Variants in MYO18B observed in about 807,000 individuals in gnomAD.
The protein encoded by MYO18B is unconventional myosin-XVIIIb.
A neutral mutation model predicts 273.0 loss-of-function variants in MYO18B; 204 were observed. That is an observed-to-expected ratio of 0.75 (90% CI 0.67 to 0.84). The LOEUF (loss-of-function observed/expected upper bound fraction) is 0.84. MYO18B is among the 40% of genes least tolerant of loss of function. The pLI is 0.00. For synonymous variants in MYO18B, 1,330 were observed against 1,305.7 expected (o/e 1.02, Z -0.40); for missense variants, 3,212 against 3,287.6 (o/e 0.98, Z 0.56).
chr22:25,980,261 T>C (rs953688214), intron 39 of MYO18B, among the ~76,000 whole-genome samples: 2 of 152,208 alleles, frequency 1.3e-5, no homozygotes, highest in African/African-American at 4.8e-5. Context: ...AAACTCTTTA[T>C]CATCTACATT....
At chr22:25,755,368 A>C (rs968975935) in intron 1 of MYO18B, among the ~76,000 whole-genome samples, 1 of 152,020 alleles carries the variant, frequency 6.6e-6, no homozygotes, top group African/African-American at 2.4e-5. Context: ...TGGCACGCCC[A>C]TCTAATTTTG....
intron 22 of MYO18B, among the ~76,000 whole-genome samples, chr22:25,873,812 A>T (rs939676663): frequency 6.6e-6 from 1 of 152,150 alleles, no homozygotes; most frequent in African/African-American, 2.4e-5. Context: ...TCACATTCCC[A>T]GGCCTGGCCC....
At chr22:25,825,749 TG>T (rs1214972510) in intron 13 of MYO18B, among the ~76,000 whole-genome samples, 2 of 152,242 alleles carry the variant, frequency 1.3e-5, no homozygotes. Flanking sequence ...AAGTGATTTT[TG>T]CCAATTTAAT....
At chr22:25,951,298 T>C (rs188809723) in intron 37 of MYO18B, among the ~76,000 whole-genome samples, 1 of 152,366 alleles carries the variant, frequency 6.6e-6, no homozygotes. Flanking sequence ...ACTTATACTT[T>C]GGCTCCTGGA....
Position 25,794,003 on chromosome 22 carries a change from G to A in MYO18B, c.2377-3950G>A, listed in dbSNP as rs565685944. ...GGCTGGAGTGCTGTGGCGCGATCTC[G>A]GCTCACTGCAAACTCCGCCTCCTGG... On this transcript the variant is annotated intron_variant, in intron 11 of 43. Coordinates refer to ENST00000335473, the MANE Select transcript of MYO18B (RefSeq NM_032608.7). Among the ~76,000 whole-genome samples the A allele has an allele frequency of 5.9e-5, 9 of 151,636 alleles. No homozygotes were observed. The East Asian group carries it at 1.7e-3, about 29-fold the overall frequency.
At position 25,769,237 on chromosome 22, in the gene MYO18B, C is replaced by T. The variant is rs762886452; in HGVS notation, c.1321C>T (p.Arg441Cys). 54 of 1,599,350 alleles carry T rather than the reference C, an allele frequency of 3.4e-5. No homozygotes were observed. Among genetic ancestry groups the T allele is most frequent in the African/African-American group, 2.0e-4 (15 of 74,790 alleles). Residue 441 changes from arginine (R) to cysteine (C), a missense_variant, in exon 4 of 44, where the codon CGT (arginine) becomes TGT (cysteine). By Grantham distance (180) the Arg-to-Cys change is radical (BLOSUM62 -3). Transcript: ENST00000335473. ...APGKGGWPGS[R>C]GQEAEEPCSR... ...TGGGAAGGGAGGCTGGCCAGGAAGC[C>T]GTGGGCAGGAAGCAGAGGAGCCCTG...
rs567039773 is a variant in MYO18B, at chr22:25,939,535, AC to A, written c.5518-6600del. Among the ~76,000 whole-genome samples, 440 of 152,298 alleles carry A rather than the reference AC, an allele frequency of 2.9e-3. 1 individual carries two copies. The highest frequency in any genetic ancestry group is 4.5e-3 in the Non-Finnish European group (306 of 68,030). On this transcript the variant is annotated intron_variant, in intron 34 of 43. Coordinates refer to ENST00000335473, the MANE Select transcript of MYO18B (RefSeq NM_032608.7). Reference sequence around the variant, plus strand: ...CAACCATGTCGTTATTACAGAACCAACCACTGTGGCCAACAGGAGGCGATGC... The same window carrying A: ...CAACCATGTCGTTATTACAGAACCAACACTGTGGCCAACAGGAGGCGATGC...
chr22:26,036,570 C>T, the MYO18B span, among the ~76,000 whole-genome samples: 1 of 152,130 alleles, frequency 6.6e-6, no homozygotes, highest in African/African-American at 2.4e-5. Context: ...TCTCATAGTT[C>T]AGGCCTACAG....
chr22:25,977,284 CCTGTATT>C (rs1472462014), intron 39 of MYO18B, among the ~76,000 whole-genome samples: 1 of 127,636 alleles, frequency 7.8e-6, no homozygotes, highest in Non-Finnish European at 1.7e-5. Flanking sequence ...TTTTCCAACT[CCTGTATT>C]TGTATTTGTA....
At chr22:25,975,073 T>A (rs2093074469) in intron 39 of MYO18B, among the ~76,000 whole-genome samples, 1 of 152,030 alleles carries the variant, frequency 6.6e-6, no homozygotes, top group African/African-American at 2.4e-5. Flanking sequence ...CAAAAGATGA[T>A]CCTGAGTGCC....
chr22:25,851,301 T>G (rs1003080768), intron 20 of MYO18B, among the ~76,000 whole-genome samples, 169 bp from the exon 21 acceptor site: 1 of 152,154 alleles, frequency 6.6e-6, no homozygotes, highest in Non-Finnish European at 1.5e-5. Flanking sequence ...TATAGTCTCT[T>G]AAATTAACAA....
At chr22:25,994,627 G>A (rs1040237714) in intron 40 of MYO18B, among the ~76,000 whole-genome samples, 5 of 152,218 alleles carry the variant, frequency 3.3e-5, no homozygotes, top group Non-Finnish European at 5.9e-5. Context: ...CAAACTGCTG[G>A]TGAAAGGGCA....
Position 25,890,756 on chromosome 22 carries a change from A to T in MYO18B, c.4315A>T (p.Ile1439Phe), listed in dbSNP as rs1019754122. ...TTGATCACCCCATTCCCCATCTCAG[A>T]TTGCTGACTTGACCTCTGACCTTGC... ...RQNTDLLESKIADLTSDLADE... is the reference protein window; with the variant it reads ...RQNTDLLESKFADLTSDLADE... The change falls in exon 26 of 44, where the codon ATT (isoleucine) becomes TTT (phenylalanine). Residue 1439 changes from isoleucine to phenylalanine, a missense_variant and splice_region_variant. Coordinates refer to ENST00000335473, the MANE Select transcript of MYO18B (RefSeq NM_032608.7). The T allele has an allele frequency of 6.2e-7, 1 of 1,613,696 alleles. No individual in the cohort carries two copies. Among genetic ancestry groups the T allele is most frequent in the African/African-American group, 1.3e-5 (1 of 74,882 alleles).
chr22:25,826,663 A>G (rs2089503517), intron 14 of MYO18B, among the ~76,000 whole-genome samples, 164 bp downstream of exon 14: 2 of 152,230 alleles, frequency 1.3e-5, no homozygotes, highest in Non-Finnish European at 2.9e-5. Flanking sequence ...ACTGGCTGTG[A>G]GGTCGGCAAA....
chr22:25,868,429 G>A (rs2090953780), intron 22 of MYO18B, 44 bp downstream of exon 22: 6 of 1,511,538 alleles, frequency 4.0e-6, no homozygotes, highest in Admixed American at 1.9e-5. Flanking sequence ...ATCACATCAG[G>A]GACCCAGAGA....
At chr22:25,773,323 A>G (rs1373400668) in intron 7 of MYO18B, among the ~76,000 whole-genome samples, 1 of 152,168 alleles carries the variant, frequency 6.6e-6, no homozygotes, top group Non-Finnish European at 1.5e-5. Flanking sequence ...TCCATCAACA[A>G]TAAAGATAAG....
intron 42 of MYO18B, among the ~76,000 whole-genome samples, 162 bp downstream of exon 42, chr22:26,005,017 T>C (rs1360846368): frequency 6.6e-6 from 1 of 152,230 alleles, no homozygotes; most frequent in African/African-American, 2.4e-5. Flanking sequence ...TGTGTGACTT[T>C]AGGCAGATCC....
intron 22 of MYO18B, among the ~76,000 whole-genome samples, chr22:25,873,869 C>T (rs1010784553): frequency 6.6e-6 from 1 of 152,240 alleles, no homozygotes; most frequent in African/African-American, 2.4e-5. Flanking sequence ...TCTGCATGTA[C>T]TGCACTTTCC....
chr22:25,765,467 C>G (rs1201285242), intron 3 of MYO18B, among the ~76,000 whole-genome samples: 6 of 152,158 alleles, frequency 3.9e-5, no homozygotes, highest in African/African-American at 1.4e-4. Context: ...TAGGGCTACC[C>G]AGTCAGTGAG....
Sources: gnomAD v4.1 joint callset for allele counts (sites outside exome capture counted in the v4.1 genomes callset) on GRCh38, gnomAD v4.1.1 for gene constraint, MANE v1.5 for transcripts, NCBI Gene and HGNC (gene_info 2026-07-23, HGNC 2026-07-21) for gene names.